The following DPP10 variants were observed in gnomAD, a reference collection of about 807,000 sequenced individuals.
DPP10 encodes the protein dipeptidyl peptidase like 10, also known as inactive dipeptidyl peptidase 10.
DPP10 carries 33 observed loss-of-function variants against 120.9 expected under a neutral mutation model. The ratio of observed to expected loss-of-function variants is 0.27; its 90% CI spans 0.21 to 0.37. The LOEUF is 0.37. DPP10 is among the 10% of genes least tolerant of loss of function. The probability of loss-of-function intolerance (pLI) is 1.00; values close to 1 mark genes in which losing one functional copy is unlikely to be tolerated. For synonymous variants in DPP10, 337 were observed against 326.1 expected, an observed-to-expected ratio of 1.03 and a Z score of -0.36; for missense variants, 816 against 942.8, an observed-to-expected ratio of 0.87 and a Z score of 1.76.
chr2:115,073,817 C>T (rs532137042), intron 1 of DPP10, among the ~76,000 whole-genome samples: 6 of 152,318 alleles, frequency 3.9e-5, no homozygotes, highest in South Asian at 2.1e-4. Flanking sequence ...ATTGAACACA[C>T]AGGAAGTGCT....
At chr2:114,709,956 T>C (rs1898132) in intron 1 of DPP10, among the ~76,000 whole-genome samples, 73,952 of 152,114 alleles carry the variant, frequency 0.49, 18,209 homozygotes, top group South Asian at 0.6. Context: ...TAATGCAAAC[T>C]ATGCTATGGT....
chr2:115,744,258 G>C (rs1677665645), intron 9 of DPP10, among the ~76,000 whole-genome samples: 1 of 150,206 alleles, frequency 6.7e-6, no homozygotes, highest in Non-Finnish European at 1.5e-5. Flanking sequence ...TGCCAATACT[G>C]TGTCAGGCTG....
At chr2:115,470,401 G>T (rs2074627460) in intron 3 of DPP10, among the ~76,000 whole-genome samples, 1 of 151,988 alleles carries the variant, frequency 6.6e-6, no homozygotes, top group Admixed American at 6.6e-5. Flanking sequence ...CCTGGACCAG[G>T]GTTTCATGGC....
intron 5 of DPP10, among the ~76,000 whole-genome samples, chr2:115,686,246 C>G (rs1002674874): frequency 1.3e-5 from 2 of 152,028 alleles, no homozygotes; most frequent in Admixed American, 1.3e-4. Context: ...GTCCTGTCTT[C>G]CTTAGTGCAA....
At chr2:115,073,520 A>G (rs1707542498) in intron 1 of DPP10, among the ~76,000 whole-genome samples, 2 of 152,204 alleles carry the variant, frequency 1.3e-5, no homozygotes, top group South Asian at 4.1e-4. Context: ...TAAACTTTAA[A>G]TCTGAAATCA....
At chr2:114,904,027 G>A (rs969820153) in intron 1 of DPP10, among the ~76,000 whole-genome samples, 3 of 152,156 alleles carry the variant, frequency 2.0e-5, no homozygotes, top group Admixed American at 6.5e-5. Context: ...TTGGTACCAG[G>A]AGTGAAATAC....
Position 115,259,490 on chromosome 2 carries a change from A to G in DPP10, c.61-49749A>G, listed in dbSNP as rs558604310. On this transcript the variant is annotated intron_variant, in intron 1 of 25. Coordinates refer to ENST00000410059, the MANE Select transcript of DPP10 (RefSeq NM_020868.6). ...CAAGAGAGAAACTTCATCTCAAAAAAAAAAAAAAGAAAGAAAGAATAGCAA... is the reference window on the plus strand; with the variant it reads ...CAAGAGAGAAACTTCATCTCAAAAAGAAAAAAAAGAAAGAAAGAATAGCAA... Among the ~76,000 whole-genome samples the G allele has an allele frequency of 5.9e-5, 9 of 152,142 alleles. No homozygotes were observed. In the South Asian group the frequency reaches 1.9e-3, roughly 32 times the overall value.
intron 3 of DPP10, among the ~76,000 whole-genome samples, chr2:115,455,644 G>A (rs1458422970): frequency 6.6e-6 from 1 of 151,972 alleles, no homozygotes; most frequent in Non-Finnish European, 1.5e-5. Flanking sequence ...ACAAAACAGA[G>A]GCCTCAGAGA....
intron 1 of DPP10, among the ~76,000 whole-genome samples, chr2:114,998,609 T>G (rs1002360649): frequency 5.3e-5 from 8 of 152,166 alleles, no homozygotes; most frequent in African/African-American, 1.7e-4. Flanking sequence ...GATTAATCAG[T>G]ATCTTGATCA....
chr2:115,160,188 T>C (rs1199794537), intron 1 of DPP10, among the ~76,000 whole-genome samples: 1 of 152,202 alleles, frequency 6.6e-6, no homozygotes, highest in African/African-American at 2.4e-5. Flanking sequence ...TGCAAAGTTA[T>C]TCCTAGCAAA....
intron 5 of DPP10, among the ~76,000 whole-genome samples, chr2:115,650,086 C>T (rs1378164518): frequency 6.6e-6 from 1 of 152,050 alleles, no homozygotes; most frequent in African/African-American, 2.4e-5. Flanking sequence ...CATTTGTTGG[C>T]ACAAGGAATT....
chr2:115,743,243 A>G (rs1677509648), intron 9 of DPP10, among the ~76,000 whole-genome samples: 1 of 152,102 alleles, frequency 6.6e-6, no homozygotes, highest in African/African-American at 2.4e-5. Flanking sequence ...TCAAAACTCC[A>G]TGGAAAGATA....
intron 1 of DPP10, among the ~76,000 whole-genome samples, chr2:115,119,278 T>G (rs1273190920): frequency 2.6e-5 from 4 of 152,158 alleles, no homozygotes; most frequent in Admixed American, 2.6e-4. Flanking sequence ...TTTTGTCTTT[T>G]ACTGTGCATG....
intron 1 of DPP10, chr2:114,833,193 C>T (rs1687292741): frequency 6.6e-6 from 1 of 151,440 alleles, no homozygotes. Context: ...AATATGAAGT[C>T]CCTTGAAAGA....
At chr2:114,940,001 TATCC>T (rs1265246018) in intron 1 of DPP10, among the ~76,000 whole-genome samples, 1 of 152,166 alleles carries the variant, frequency 6.6e-6, no homozygotes. Context: ...ATCTAATTGC[TATCC>T]ATAGTAAGAG....
At chr2:115,725,568 G>A (rs1404383614) in intron 7 of DPP10, among the ~76,000 whole-genome samples, 2 of 152,120 alleles carry the variant, frequency 1.3e-5, no homozygotes, top group Admixed American at 1.3e-4. Flanking sequence ...TGTAATTACT[G>A]GTCAATAGTT....
At chr2:115,336,558 A>ACT (rs70941045) in intron 2 of DPP10, among the ~76,000 whole-genome samples, 3,577 of 144,620 alleles carry the variant, frequency 0.025, 132 homozygotes, top group African/African-American at 0.086. Flanking sequence ...ATACATGTGT[A>ACT]CTCTCTCTCT....
intron 1 of DPP10, among the ~76,000 whole-genome samples, chr2:115,031,984 G>A (rs1559015317): frequency 6.6e-6 from 1 of 151,990 alleles, no homozygotes; most frequent in East Asian, 1.9e-4. Context: ...TGAACACAAA[G>A]CTTGAGCCTA....
At chr2:115,561,518 A>T (rs1020467929) in intron 5 of DPP10, among the ~76,000 whole-genome samples, 6 of 152,162 alleles carry the variant, frequency 3.9e-5, no homozygotes, top group Non-Finnish European at 1.5e-5. Flanking sequence ...ACAAAATTAA[A>T]TGTATTTTTC....
Sources: gnomAD v4.1 joint callset for allele counts (sites outside exome capture counted in the v4.1 genomes callset) on GRCh38, gnomAD v4.1.1 for gene constraint, MANE v1.5 for transcripts, NCBI Gene and HGNC (gene_info 2026-07-23, HGNC 2026-07-21) for gene names.